DPYD: variants seen among roughly 807,000 people sequenced by gnomAD.
The protein encoded by DPYD is dihydropyrimidine dehydrogenase [NADP(+)].
Under a neutral mutation model 116.2 loss-of-function variants are expected in DPYD, and 109 were observed. The observed-to-expected ratio is 0.94, with a 90% CI of 0.80 to 1.10. The LOEUF (loss-of-function observed/expected upper bound fraction) is 1.10. Among genes scored for constraint, DPYD ranks in the 50% least tolerant of loss-of-function variants. The pLI is 0.00. For synonymous variants in DPYD, 440 were observed against 432.0 expected, an observed-to-expected ratio of 1.02 and a Z score of -0.23; for missense variants, 1,302 against 1,254.5, an observed-to-expected ratio of 1.04 and a Z score of -0.57.
At chr1:97,176,353 TG>T (rs1657259499) in intron 20 of DPYD, among the ~76,000 whole-genome samples, 3 of 152,082 alleles carry the variant, frequency 2.0e-5, no homozygotes, top group African/African-American at 7.2e-5. Context: ...ATTGCCCCTA[TG>T]GAGATGGAGA....
chr1:97,418,632 G>A (rs1013902038), intron 14 of DPYD, among the ~76,000 whole-genome samples: 2 of 151,956 alleles, frequency 1.3e-5, no homozygotes, highest in African/African-American at 2.4e-5. Flanking sequence ...AGTATCACAC[G>A]TTTTCCCATG....
intron 8 of DPYD, among the ~76,000 whole-genome samples, chr1:97,597,961 A>C (rs991735471): frequency 2.0e-5 from 3 of 152,180 alleles, no homozygotes; most frequent in Non-Finnish European, 4.4e-5. Context: ...TTTTTTAAAA[A>C]TGTTAAAAAA....
chr1:97,744,702 C>T (rs1034770266), intron 3 of DPYD, among the ~76,000 whole-genome samples: 1 of 151,936 alleles, frequency 6.6e-6, no homozygotes, highest in African/African-American at 2.4e-5. Flanking sequence ...GAAAGTCTAC[C>T]TAATTTACAT....
chr1:97,377,091 T>G (rs1283784733), intron 15 of DPYD, among the ~76,000 whole-genome samples: 2 of 151,564 alleles, frequency 1.3e-5, no homozygotes, highest in Non-Finnish European at 2.9e-5. Flanking sequence ...AAAAATATAT[T>G]TAAAAAGTGG....
intron 8 of DPYD, among the ~76,000 whole-genome samples, chr1:97,665,929 T>C (rs1478327192): frequency 1.3e-5 from 2 of 152,180 alleles, no homozygotes; most frequent in Admixed American, 1.3e-4. Flanking sequence ...GAATTCATCA[T>C]GAAGAATCCA....
chr1:97,838,038 AT>A (rs796850378), intron 2 of DPYD, among the ~76,000 whole-genome samples: 1 of 152,188 alleles, frequency 6.6e-6, no homozygotes, highest in Non-Finnish European at 1.5e-5. Flanking sequence ...ATAAAAAAGA[AT>A]TTTTTGACTT....
intron 18 of DPYD, among the ~76,000 whole-genome samples, chr1:97,290,152 AAGG>A (rs1666038032): frequency 6.6e-6 from 1 of 152,194 alleles, no homozygotes; most frequent in Non-Finnish European, 1.5e-5. Context: ...GGACCTCTTC[AAGG>A]AGAACTACAA....
chr1:97,539,274 T>C (rs1228181860), intron 12 of DPYD, among the ~76,000 whole-genome samples: 1 of 152,142 alleles, frequency 6.6e-6, no homozygotes, highest in Non-Finnish European at 1.5e-5. Flanking sequence ...TTAAATTTAA[T>C]GCCCTGACGC....
At chr1:97,686,817 A>G (rs990740595) in intron 7 of DPYD, among the ~76,000 whole-genome samples, 3 of 152,076 alleles carry the variant, frequency 2.0e-5, no homozygotes, top group Non-Finnish European at 4.4e-5. Context: ...ATTAAACAAA[A>G]GAGCTTCTGC....
rs1451388515 is a variant in DPYD at position 97,586,487 on chromosome 1, T to C, written c.1128+6731A>G. On this transcript the variant is annotated intron_variant, in intron 10 of 22. Transcript: ENST00000370192. Reference sequence around the variant, plus strand: ...ATACATATATATATATATATATATATATATATATATATATATATATATATA... The same window carrying C: ...ATACATATATATATATATATATATACATATATATATATATATATATATATA... Among the ~76,000 whole-genome samples the C allele has an allele frequency of 4.0e-4, 43 of 108,112 alleles. 1 individual carries two copies. The highest frequency in any genetic ancestry group is 1.1e-3 in the East Asian group (4 of 3,548). 70.9% of individuals were successfully genotyped at this position (108,112 alleles called of 152,430 possible).
chr1:97,548,368 A>C (rs190613345), intron 12 of DPYD, among the ~76,000 whole-genome samples: 10 of 152,314 alleles, frequency 6.6e-5, no homozygotes, highest in Non-Finnish European at 1.3e-4. Context: ...CGTTGTGGCA[A>C]AGTATGCTCA....
chr1:97,833,147 C>T (rs1285624588), intron 2 of DPYD, among the ~76,000 whole-genome samples: 2 of 151,730 alleles, frequency 1.3e-5, no homozygotes, highest in African/African-American at 4.8e-5. Flanking sequence ...TATATACAAA[C>T]CTAAATTGAA....
intron 14 of DPYD, among the ~76,000 whole-genome samples, chr1:97,445,725 A>ATTTTTTTTT (rs35500519): frequency 7.2e-6 from 1 of 138,426 alleles, no homozygotes; most frequent in Non-Finnish European, 1.5e-5. Flanking sequence ...AAATTGTCTG[A>ATTTTTTTTT]TTTTTTTTTT....
At chr1:97,093,444 A>G (rs183228991) in intron 21 of DPYD, among the ~76,000 whole-genome samples, 1 of 152,196 alleles carries the variant, frequency 6.6e-6, no homozygotes, top group African/African-American at 2.4e-5. Context: ...CTTAACGTGG[A>G]TTTCTTTCAA....
chr1:97,832,995 G>GAAAAA (rs1161903108), intron 2 of DPYD, among the ~76,000 whole-genome samples: 4 of 58,970 alleles, frequency 6.8e-5, no homozygotes, highest in Admixed American at 1.8e-4. Context: ...AAGAGGCAAA[G>GAAAAA]AAAAAAAAAA....
chr1:97,430,127 T>A (rs1033529091), intron 14 of DPYD, among the ~76,000 whole-genome samples: 1 of 152,160 alleles, frequency 6.6e-6, no homozygotes, highest in Non-Finnish European at 1.5e-5. Flanking sequence ...GAATGCTAAA[T>A]AATGGCAACT....
At chr1:97,585,867 A>T (rs1427683504) in intron 10 of DPYD, 3 of 153,358 alleles carry the variant, frequency 2.0e-5, no homozygotes, top group Non-Finnish European at 2.9e-5. Flanking sequence ...GCCAAAGGGA[A>T]GTTCAACTCC....
chr1:97,696,632 G>A (rs1028660278), intron 6 of DPYD, among the ~76,000 whole-genome samples: 7 of 151,670 alleles, frequency 4.6e-5, no homozygotes, highest in South Asian at 2.1e-4. Context: ...TCTTGTAATC[G>A]TAAGTCCTTT....
chr1:97,401,063 A>C (rs1027085461), intron 14 of DPYD, among the ~76,000 whole-genome samples: 2 of 152,050 alleles, frequency 1.3e-5, no homozygotes, highest in East Asian at 3.9e-4. Context: ...CCCTCCTGAC[A>C]TGATGTAGAG....
Sources: allele counts gnomAD v4.1 joint callset (sites outside exome capture counted in the v4.1 genomes callset), GRCh38; gene constraint gnomAD v4.1.1; transcripts MANE v1.5; gene names NCBI Gene and HGNC (gene_info 2026-07-23, HGNC 2026-07-21).